The following UMAD1 variants were observed in gnomAD, a reference collection of about 807,000 sequenced individuals.
UMAD1 encodes the protein UBAP1-MVB12-associated (UMA)-domain containing protein 1.
A neutral mutation model predicts 6.1 loss-of-function variants in UMAD1; 8 were observed. That is an observed-to-expected ratio of 1.30 (90% confidence interval 0.76 to 2.35). The LOEUF is 2.35. Ranked by LOEUF, UMAD1 falls within the 30% of genes most tolerant of loss-of-function variation. The pLI is 0.00. For synonymous variants in UMAD1, 56 were observed against 31.4 expected, an observed-to-expected ratio of 1.78 and a Z score of -2.61; for missense variants, 130 against 78.4, an observed-to-expected ratio of 1.66 and a Z score of -2.49.
At chr7:7,852,719 C>A (rs1783942013) in intron 3 of UMAD1, among the ~76,000 whole-genome samples, 1 of 152,196 alleles carries the variant, frequency 6.6e-6, no homozygotes, top group South Asian at 2.1e-4. Context: ...AAATGAGTTC[C>A]TTCCTGTCAG....
chr7:7,643,410 G>C (rs1251708803), intron 1 of UMAD1, among the ~76,000 whole-genome samples: 3 of 152,196 alleles, frequency 2.0e-5, no homozygotes, highest in African/African-American at 7.2e-5. Flanking sequence ...AGACAAGCTT[G>C]TAAAAGTCCT....
chr7:7,714,865 T>A (rs1222290197), intron 2 of UMAD1, among the ~76,000 whole-genome samples: 2 of 150,240 alleles, frequency 1.3e-5, no homozygotes, highest in Non-Finnish European at 3.0e-5. Flanking sequence ...TTTTTTTTTT[T>A]TTTTTTTAGT....
chr7:7,645,619 C>A (rs559291379), intron 1 of UMAD1, among the ~76,000 whole-genome samples: 1 of 152,176 alleles, frequency 6.6e-6, no homozygotes, highest in African/African-American at 2.4e-5. Flanking sequence ...AATTTTCCTT[C>A]TATTCCTAGT....
chr7:7,698,423 T>G (rs1386782002), intron 2 of UMAD1, among the ~76,000 whole-genome samples: 1 of 152,262 alleles, frequency 6.6e-6, no homozygotes, highest in Admixed American at 6.5e-5. Flanking sequence ...AGCTGTAAGT[T>G]GACTTTCAGT....
intron 3 of UMAD1, among the ~76,000 whole-genome samples, chr7:7,870,275 G>A (rs1446485589): frequency 2.0e-5 from 3 of 152,048 alleles, no homozygotes; most frequent in Admixed American, 6.5e-5. Context: ...CTAGGTAAGG[G>A]CAACCGCTAA....
At chr7:7,680,538 A>G (rs1779883417) in intron 2 of UMAD1, among the ~76,000 whole-genome samples, 2 of 152,108 alleles carry the variant, frequency 1.3e-5, no homozygotes. Context: ...TTGTGATTCT[A>G]TATAAATGTT....
At chr7:7,764,738 ATG>A (rs1781953125) in intron 2 of UMAD1, among the ~76,000 whole-genome samples, 2 of 152,206 alleles carry the variant, frequency 1.3e-5, no homozygotes, top group Non-Finnish European at 2.9e-5. Context: ...TGTTTACAAT[ATG>A]TGATTCAGTG....
intron 2 of UMAD1, among the ~76,000 whole-genome samples, chr7:7,749,884 C>T (rs991014569): frequency 5.3e-5 from 8 of 152,170 alleles, no homozygotes; most frequent in South Asian, 2.1e-4. Context: ...AATGAAAGGA[C>T]GTTATGTGTC....
chr7:7,756,037 C>T (rs1212188778), intron 2 of UMAD1, among the ~76,000 whole-genome samples: 4 of 152,064 alleles, frequency 2.6e-5, no homozygotes, highest in African/African-American at 7.2e-5. Context: ...GAGCTTTGAG[C>T]CCTGGGAGCG....
intron 3 of UMAD1, among the ~76,000 whole-genome samples, chr7:7,849,766 A>G (rs980106619): frequency 6.6e-6 from 1 of 150,440 alleles, no homozygotes; most frequent in African/African-American, 2.5e-5. Flanking sequence ...ACAGCAAATG[A>G]AATAATCTGT....
intron 2 of UMAD1, among the ~76,000 whole-genome samples, chr7:7,763,629 C>T (rs1781933467): frequency 6.6e-6 from 1 of 152,194 alleles, no homozygotes. Flanking sequence ...GTAATCCCAG[C>T]ACTTTGGGAG....
In UMAD1 at chr7:7,790,218, G is replaced by A. The variant is rs540251346; in HGVS notation, c.83-11452G>A. Among the ~76,000 whole-genome samples, 241 of 152,250 alleles carry A rather than the reference G, an allele frequency of 1.6e-3. 1 individual carries two copies. The highest frequency in any genetic ancestry group is 5.2e-3 in the African/African-American group (217 of 41,538). ...GACTTTTCAAGTCAGACTCTCTTGT[G>A]AGACTCAGGAATTTGCACCCCAGGG... is the stretch of plus-strand genomic sequence containing the variant. On this transcript the variant is annotated intron_variant, in intron 2 of 3. Transcript: ENST00000682710.
intron 3 of UMAD1, among the ~76,000 whole-genome samples, chr7:7,871,505 G>A (rs1381971683): frequency 1.3e-5 from 2 of 152,144 alleles, no homozygotes; most frequent in Non-Finnish European, 2.9e-5. Context: ...ACTAATAGGA[G>A]CACATACCCT....
intron 2 of UMAD1, among the ~76,000 whole-genome samples, chr7:7,674,160 A>G (rs1441623997): frequency 6.6e-6 from 1 of 152,156 alleles, no homozygotes; most frequent in Non-Finnish European, 1.5e-5. Context: ...ATCCTTTTCC[A>G]TGCTGGACCT....
intron 2 of UMAD1, among the ~76,000 whole-genome samples, chr7:7,777,916 C>T (rs1782253072): frequency 6.6e-6 from 1 of 152,106 alleles, no homozygotes; most frequent in African/African-American, 2.4e-5. Flanking sequence ...CCTGATCTAG[C>T]TGTGTTAGGC....
chr7:7,667,102 C>T (rs1563101784), intron 1 of UMAD1, among the ~76,000 whole-genome samples: 1 of 152,206 alleles, frequency 6.6e-6, no homozygotes, highest in Non-Finnish European at 1.5e-5. Flanking sequence ...AGCCACTGCG[C>T]CCGGCTGACA....
rs1583833000 is a variant in UMAD1, at chr7:7,798,273, C to G, written c.83-3397C>G. ...AATATAGATGAGTTTCACATCAGTC[C>G]TTTAAGTTCTGAAAGAGCTTCATTA... On this transcript the variant is annotated intron_variant, in intron 2 of 3. Transcript: ENST00000682710. Among the ~76,000 whole-genome samples the G allele has an allele frequency of 2.0e-5, 3 of 152,314 alleles. No homozygotes were observed. The Middle Eastern group carries it at 0.01, about 518-fold the overall frequency.
chr7:7,660,697 T>C (rs1785453447), intron 1 of UMAD1, among the ~76,000 whole-genome samples: 1 of 152,244 alleles, frequency 6.6e-6, no homozygotes, highest in African/African-American at 2.4e-5. Flanking sequence ...CTTCCCTTTG[T>C]GGGTAACCCA....
At position 7,661,169 on chromosome 7, in the gene UMAD1, C is replaced by T. The variant is rs146401558; in HGVS notation, c.-63-12140C>T. Among the ~76,000 whole-genome samples the T allele has an allele frequency of 3.0e-3, 462 of 152,258 alleles. 2 individuals carry two copies. Among genetic ancestry groups the T allele is most frequent in the Non-Finnish European group, 4.9e-3 (330 of 68,028 alleles). ...GCTGTGTTTTTCAGCTCCAGCAGGT[C>T]ATTTATGTTCTTCTCTAAACTGGTA... On this transcript the variant is annotated intron_variant, in intron 1 of 3. Transcript: ENST00000682710.
Sources: gnomAD v4.1 joint callset for allele counts (sites outside exome capture counted in the v4.1 genomes callset) on GRCh38, gnomAD v4.1.1 for gene constraint, MANE v1.5 for transcripts, NCBI Gene and HGNC (gene_info 2026-07-23, HGNC 2026-07-21) for gene names.